RPS6KC1: variants seen among roughly 807,000 people sequenced by gnomAD.
RPS6KC1 encodes the protein inactive ribosomal protein S6 kinase delta-1.
Under a neutral mutation model 103.8 loss-of-function variants are expected in RPS6KC1, and 54 were observed. That is an observed-to-expected ratio of 0.52 (90% confidence interval 0.42 to 0.65). RPS6KC1 has a LOEUF of 0.65. RPS6KC1 is among the 30% of genes least tolerant of loss of function. RPS6KC1 has a pLI of 0.00. For missense variants in RPS6KC1, 1,151 were observed against 1,253.8 expected (o/e 0.92, Z 1.24); for synonymous variants, 439 against 438.7 (o/e 1.00, Z -0.01).
chr1:213,723,749 C>T, the RPS6KC1 span, among the ~76,000 whole-genome samples: 1 of 152,126 alleles, frequency 6.6e-6, no homozygotes, highest in Admixed American at 6.5e-5. Context: ...ATTGAGCACC[C>T]AATTGCACCA....
the RPS6KC1 span, among the ~76,000 whole-genome samples, chr1:213,406,066 T>C: frequency 6.6e-6 from 1 of 152,108 alleles, no homozygotes; most frequent in Non-Finnish European, 1.5e-5. Flanking sequence ...GCACACTGCC[T>C]GGAAAACAGG....
intron 8 of RPS6KC1, among the ~76,000 whole-genome samples, chr1:213,182,427 G>T (rs2092314106): frequency 6.6e-6 from 1 of 152,076 alleles, no homozygotes; most frequent in Non-Finnish European, 1.5e-5. Flanking sequence ...GGAGGCAAAG[G>T]TTATAGTGAA....
At chr1:213,327,586 C>T in the RPS6KC1 span, among the ~76,000 whole-genome samples, 6 of 151,496 alleles carry the variant, frequency 4.0e-5, no homozygotes, top group Non-Finnish European at 5.9e-5. Flanking sequence ...TGTGTGCGTG[C>T]GTGTGTGTGT....
the RPS6KC1 span, among the ~76,000 whole-genome samples, chr1:213,558,314 C>A: frequency 2.0e-5 from 3 of 152,200 alleles, no homozygotes; most frequent in Admixed American, 6.5e-5. Context: ...CCCCTGCTCA[C>A]GCTCACTCAG....
At chr1:213,524,276 G>A in the RPS6KC1 span, among the ~76,000 whole-genome samples, 1 of 152,076 alleles carries the variant, frequency 6.6e-6, no homozygotes, top group African/African-American at 2.4e-5. Flanking sequence ...CTTCTTCCCT[G>A]CTCCTCACCA....
the RPS6KC1 span, among the ~76,000 whole-genome samples, chr1:213,751,398 C>T: frequency 6.6e-6 from 1 of 152,280 alleles, no homozygotes; most frequent in African/African-American, 2.4e-5. Context: ...GATTCCTTTC[C>T]TGAGCCAGAG....
At chr1:213,616,408 G>T in the RPS6KC1 span, among the ~76,000 whole-genome samples, 4 of 152,178 alleles carry the variant, frequency 2.6e-5, no homozygotes, top group African/African-American at 9.7e-5. Flanking sequence ...AGACCACTGC[G>T]GTGGGCACCG....
At chr1:213,816,910 C>T in the RPS6KC1 span, among the ~76,000 whole-genome samples, 7 of 152,178 alleles carry the variant, frequency 4.6e-5, no homozygotes, top group African/African-American at 9.7e-5. Context: ...AACCATGCCT[C>T]GCATACTACC....
the RPS6KC1 span, among the ~76,000 whole-genome samples, chr1:213,282,166 C>G: frequency 2.6e-5 from 4 of 152,212 alleles, no homozygotes; most frequent in African/African-American, 7.2e-5. Flanking sequence ...GATGGGGGCC[C>G]TGTCACAAAA....
the RPS6KC1 span, among the ~76,000 whole-genome samples, chr1:213,673,320 A>G: frequency 6.6e-6 from 1 of 152,374 alleles, no homozygotes; most frequent in East Asian, 1.9e-4. Flanking sequence ...TCTAAAAGAC[A>G]GTGGATTCAA....
the RPS6KC1 span, among the ~76,000 whole-genome samples, chr1:213,598,248 A>G: frequency 6.6e-6 from 1 of 152,244 alleles, no homozygotes; most frequent in African/African-American, 2.4e-5. Context: ...ACTCTCCAAC[A>G]GCACATAAGT....
the RPS6KC1 span, among the ~76,000 whole-genome samples, chr1:213,442,942 G>A: frequency 6.6e-6 from 1 of 151,710 alleles, no homozygotes; most frequent in Non-Finnish European, 1.5e-5. Context: ...CTGGACCACT[G>A]GACTCCTTTC....
At chr1:213,586,864 C>T in the RPS6KC1 span, among the ~76,000 whole-genome samples, 1 of 152,232 alleles carries the variant, frequency 6.6e-6, no homozygotes, top group African/African-American at 2.4e-5. Context: ...TATTGACCCA[C>T]TTCACATTCC....
intron 10 of RPS6KC1, among the ~76,000 whole-genome samples, chr1:213,239,971 G>A (rs1438859564): frequency 1.3e-5 from 2 of 151,940 alleles, no homozygotes; most frequent in Non-Finnish European, 2.9e-5. Context: ...ATAAAATACT[G>A]GATTTTTTTT....
the RPS6KC1 span, among the ~76,000 whole-genome samples, chr1:213,787,279 A>C: frequency 6.6e-6 from 1 of 152,188 alleles, no homozygotes; most frequent in Non-Finnish European, 1.5e-5. Context: ...TAAACAGAGA[A>C]GCACAGTAGA....
the RPS6KC1 span, among the ~76,000 whole-genome samples, chr1:213,678,765 T>G: frequency 6.6e-6 from 1 of 152,198 alleles, no homozygotes; most frequent in African/African-American, 2.4e-5. Flanking sequence ...CTTGAGTCAC[T>G]ACACAGTGAA....
chr1:213,063,362 T>C (rs1374609093), intron 1 of RPS6KC1, among the ~76,000 whole-genome samples: 1 of 152,146 alleles, frequency 6.6e-6, no homozygotes, highest in African/African-American at 2.4e-5. Flanking sequence ...AGTCATGGAG[T>C]TGTGAGATCT....
intron 4 of RPS6KC1, among the ~76,000 whole-genome samples, chr1:213,115,090 C>G (rs1047373199): frequency 1.3e-5 from 2 of 152,184 alleles, no homozygotes; most frequent in Non-Finnish European, 2.9e-5. Flanking sequence ...GGAGGATTCC[C>G]TCTTTTTCTA....
At chr1:213,163,438 C>T (rs1342900840) in intron 6 of RPS6KC1, among the ~76,000 whole-genome samples, 1 of 152,172 alleles carries the variant, frequency 6.6e-6, no homozygotes, top group Admixed American at 6.5e-5. Context: ...CAAATAGAGT[C>T]AAAATACTCT....
Sources: allele counts gnomAD v4.1 joint callset (sites outside exome capture counted in the v4.1 genomes callset), GRCh38; gene constraint gnomAD v4.1.1; transcripts MANE v1.5; gene names NCBI Gene and HGNC (gene_info 2026-07-23, HGNC 2026-07-21).